ARHGAP45: variants seen among roughly 807,000 people sequenced by gnomAD.
The protein encoded by ARHGAP45 is rho GTPase-activating protein 45.
Under a neutral mutation model 116.1 loss-of-function variants are expected in ARHGAP45, and 56 were observed. The observed-to-expected ratio is 0.48, with a 90% CI of 0.39 to 0.60. ARHGAP45 has a LOEUF of 0.60. Among genes scored for constraint, ARHGAP45 ranks in the 20% least tolerant of loss-of-function variants. The pLI is 0.00. For missense variants in ARHGAP45, 1,622 were observed against 1,601.0 expected (o/e 1.01, Z -0.22); for synonymous variants, 866 against 701.7 (o/e 1.23, Z -3.70).
At chr19:1,066,383 G>A (rs962019748), upstream of ARHGAP45, 2 of 577,672 alleles carry the variant, frequency 3.5e-6, no homozygotes, top group Admixed American at 3.1e-5. Flanking sequence ...GGGTGCCTGC[G>A]TCCTGCTGCC....
chr19:1,076,641 C>T (rs1350219249), intron 10 of ARHGAP45, among the ~76,000 whole-genome samples: 2 of 151,832 alleles, frequency 1.3e-5, no homozygotes, highest in Non-Finnish European at 2.9e-5. Flanking sequence ...GGATTACAGG[C>T]GCCAGCCAAC....
intron 10 of ARHGAP45, among the ~76,000 whole-genome samples, chr19:1,075,535 G>A (rs1008539032): frequency 6.6e-6 from 1 of 151,842 alleles, no homozygotes; most frequent in Non-Finnish European, 1.5e-5. Flanking sequence ...GTGAGCCACC[G>A]CACCCACCCG....
chr19:1,081,512 G>A (rs1049864362), intron 17 of ARHGAP45, 38 bp from the exon 18 acceptor site: 7 of 1,440,512 alleles, frequency 4.9e-6, no homozygotes, highest in Admixed American at 2.9e-5. Flanking sequence ...TGAGCTGGGC[G>A]CCCCGGGGCT....
chr19:1,080,436 C>T (rs1473096113), intron 14 of ARHGAP45, 28 bp from the exon 15 acceptor site: 5 of 1,611,868 alleles, frequency 3.1e-6, no homozygotes, highest in Admixed American at 1.7e-5. Flanking sequence ...CCACCCTGGC[C>T]CTTCACCAGA....
chr19:1,066,218 G>A (rs2043028157), upstream of ARHGAP45: 4 of 1,483,562 alleles, frequency 2.7e-6, no homozygotes, highest in Admixed American at 2.0e-5. Flanking sequence ...GGGATTGGGG[G>A]TGGGGTTCTG....
rs370530787 is a variant in ARHGAP45 at position 1,082,875 on chromosome 19, C to T, written c.2553C>T (p.His851=). 3 of 1,570,736 alleles carry T rather than the reference C, an allele frequency of 1.9e-6. No homozygotes were observed. Among genetic ancestry groups the T allele is most frequent in the Non-Finnish European group, 2.6e-6 (3 of 1,158,270 alleles). ...CGCTCATCTCCTTCCGCCTCTACCA[C>T]GAGCTCGTAGGGCTGGCCAAGGACA... ...PEPLISFRLY[H]ELVGLAKDSL... Residue 851 remains histidine, a synonymous_variant, in exon 20 of 23, where the codon CAC becomes CAT. Transcript: ENST00000313093.
intron 10 of ARHGAP45, chr19:1,077,095 G>C (rs1230346241): frequency 1.0e-6 from 1 of 985,350 alleles, no homozygotes; most frequent in Non-Finnish European, 1.2e-6. Context: ...TGTGAGGTGT[G>C]GCCCCCGAGC....
Position 1,081,652 on chromosome 19 carries a change from C to T in ARHGAP45, c.2293C>T (p.His765Tyr). ...RLQLFGQDFSHAARSAPDGVP... is the reference protein window; with the variant it reads ...RLQLFGQDFSYAARSAPDGVP... ...GCAGCTGTTCGGCCAGGACTTCAGC[C>T]ACGCGGCCCGCAGCGCCCCCGACGG... The change falls in exon 18 of 23, where the codon CAC becomes TAC. Residue 765 changes from histidine to tyrosine, a missense_variant. Transcript: ENST00000313093. 6.3e-7 allele frequency: 1 copy of T among 1,582,204 alleles called. No individual in the cohort carries two copies. Among genetic ancestry groups the T allele is most frequent in the Non-Finnish European group, 8.6e-7 (1 of 1,164,716 alleles).
Position 1,082,883 on chromosome 19 carries a change from T to C in ARHGAP45, c.2561T>C (p.Val854Ala), listed in dbSNP as rs745423074. 5.7e-6 allele frequency: 9 copies of C among 1,582,902 alleles called. No homozygotes were observed. Among genetic ancestry groups the C allele is most frequent in the East Asian group, 2.3e-5 (1 of 44,118 alleles). Reference protein sequence around the residue: ...LISFRLYHELVGLAKDSLKAE... With the variant: ...LISFRLYHELAGLAKDSLKAE... ...TCCTTCCGCCTCTACCACGAGCTCGTAGGGCTGGCCAAGGACAGCCTGAAG... is the reference window on the plus strand; with the variant it reads ...TCCTTCCGCCTCTACCACGAGCTCGCAGGGCTGGCCAAGGACAGCCTGAAG... The change falls in exon 20 of 23, where the codon GTA becomes GCA. Residue 854 changes from valine to alanine, a missense_variant. Around this residue, in one of 3 missense-constraint regions of ARHGAP45, gnomAD observed 1,334 missense variants for 1,263.8 expected, o/e 1.06. Coordinates refer to ENST00000313093, the MANE Select transcript of ARHGAP45 (RefSeq NM_012292.5).
chr19:1,069,676 G>A lies in ARHGAP45; in HGVS notation c.421+932G>A, dbSNP rs755324355. On this transcript the variant is annotated intron_variant, in intron 2 of 22. Coordinates refer to ENST00000313093, the MANE Select transcript of ARHGAP45 (RefSeq NM_012292.5). This position sits in a 1 kb window ranked among gnomAD's most constrained non-coding sequence, Gnocchi z 4.1. ...CCCCGGGTTATCTGGTCCCAGGGGC[G>A]GGGGCTAGGCTGCTTTCCTGGGGAA... Among the ~76,000 whole-genome samples the A allele has an allele frequency of 4.3e-4, 65 of 152,304 alleles. No individual in the cohort carries two copies. The highest frequency in any genetic ancestry group is 7.4e-4 in the Non-Finnish European group (50 of 68,008).
upstream of ARHGAP45, chr19:1,066,261 G>T: frequency 2.7e-6 from 2 of 734,802 alleles, no homozygotes; most frequent in Non-Finnish European, 4.0e-6. Context: ...GGGGAGGGGG[G>T]AGAGAGTTCA....
At chr19:1,074,964 C>T (rs905409939) in intron 10 of ARHGAP45, 85 bp downstream of exon 10, 2 of 1,193,736 alleles carry the variant, frequency 1.7e-6, no homozygotes, top group Non-Finnish European at 2.2e-6. Context: ...ATAGCGAGGG[C>T]CCTGCGGCGA....
At chr19:1,078,460 CAG>C (rs1233435468) in intron 11 of ARHGAP45, among the ~76,000 whole-genome samples, 3 of 139,310 alleles carry the variant, frequency 2.2e-5, no homozygotes, top group Admixed American at 7.2e-5. Flanking sequence ...TTTTTGGAGA[CAG>C]AGTCTCATTC....
In ARHGAP45 at chr19:1,086,122, G is replaced by A. The variant is rs960200196; in HGVS notation, c.*116G>A. 5.2e-6 allele frequency: 5 copies of A among 970,192 alleles called. No individual in the cohort carries two copies. The highest frequency in any genetic ancestry group is 7.6e-6 in the Non-Finnish European group (5 of 660,476). 60.1% of individuals were successfully genotyped at this position (970,192 alleles called of 1,614,324 possible). ...CGCCGTCCTGGGGTCGCTGCCGAGA[G>A]CGCCTGGACTTCGACGTCCCACCAG... On this transcript the variant is annotated 3_prime_UTR_variant, in exon 23 of 23. Coordinates refer to ENST00000313093, the MANE Select transcript of ARHGAP45 (RefSeq NM_012292.5).
At chr19:1,075,927 G>A (rs1299975448) in intron 10 of ARHGAP45, among the ~76,000 whole-genome samples, 1 of 152,170 alleles carries the variant, frequency 6.6e-6, no homozygotes, top group Admixed American at 6.5e-5. Context: ...TTGTACACAC[G>A]AGGACAGCTC....
intron 19 of ARHGAP45, chr19:1,082,531 G>A (rs1030245269): frequency 4.5e-6 from 2 of 440,424 alleles, no homozygotes; most frequent in Non-Finnish European, 8.1e-6. Context: ...AGTGGGACCA[G>A]CACTTCGCAG....
chr19:1,073,092 C>T (rs1230471894), intron 2 of ARHGAP45, 57 bp from the exon 3 acceptor site: 17 of 1,540,222 alleles, frequency 1.1e-5, no homozygotes, highest in Non-Finnish European at 1.4e-5. Flanking sequence ...AGGAGGTGGA[C>T]AGACTTTCCC....
At position 1,077,966 on chromosome 19, in the gene ARHGAP45, G is replaced by T; in HGVS notation, c.1295G>T (p.Gly432Val). Residue 432 changes from glycine to valine, a missense_variant, in exon 11 of 23, where the codon GGC (glycine) becomes GTC (valine). This residue lies in a region of ARHGAP45 where 1,334 missense variants were observed against 1,263.8 expected (regional missense o/e 1.06). Transcript: ENST00000313093. ...LVAKAEEEQA[G>V]SAPGAGSTAT... ...GCCAAGGCGGAGGAGGAGCAGGCTG[G>T]CAGCGCGCCGGGAGCAGGCAGCACG... The T allele has an allele frequency of 6.4e-7, 1 of 1,553,170 alleles. No homozygotes were observed. Among genetic ancestry groups the T allele is most frequent in the Non-Finnish European group, 8.7e-7 (1 of 1,147,830 alleles).
rs145380187 is a variant in ARHGAP45, at chr19:1,073,844, G to A, written c.723+98G>A. 4.6e-3 allele frequency: 7,120 copies of A among 1,532,014 alleles called. 211 individuals are homozygous for A. The South Asian group carries it at 0.05, about 11-fold the overall frequency. The allele number at this position is 1,532,014 out of a possible 1,614,324, so 94.9% of individuals were successfully genotyped here. ...GACAGTCACCCTGCTTCCCCTGTGC[G>A]CCTTGGTTTCCCTCTCTGGGGGAGG... On this transcript the variant is annotated intron_variant, in intron 5 of 22. Coordinates refer to ENST00000313093, the MANE Select transcript of ARHGAP45 (RefSeq NM_012292.5).
Sources: allele counts gnomAD v4.1 joint callset (sites outside exome capture counted in the v4.1 genomes callset), GRCh38; gene constraint gnomAD v4.1.1; regional missense constraint gnomAD v4.1.1; non-coding constraint Gnocchi (gnomAD v3.1); transcripts MANE v1.5; gene names NCBI Gene and HGNC (gene_info 2026-07-23, HGNC 2026-07-21).